Variants in GABRR1 observed in about 807,000 individuals in gnomAD.
The protein encoded by GABRR1 is gamma-aminobutyric acid type A receptor subunit rho1.
In GABRR1, 59 loss-of-function variants were observed where a neutral mutation model predicts 55.5. That is an observed-to-expected ratio of 1.06 (90% CI 0.86 to 1.32). The LOEUF (loss-of-function observed/expected upper bound fraction) is 1.32, where lower values mean the gene tolerates loss of function less well. Ranked by LOEUF, GABRR1 falls within the 40% of genes most tolerant of loss-of-function variation. The pLI is 0.00. For missense variants in GABRR1, 602 were observed against 619.1 expected, an observed-to-expected ratio of 0.97 and a Z score of 0.29; for synonymous variants, 213 against 226.0, an observed-to-expected ratio of 0.94 and a Z score of 0.51.
intron 1 of GABRR1, among the ~76,000 whole-genome samples, chr6:89,229,473 C>G (rs1415460121): frequency 6.7e-6 from 1 of 149,302 alleles, no homozygotes; most frequent in East Asian, 2.0e-4. Flanking sequence ...GACAAAATCT[C>G]TCAGCATTTG....
chr6:89,200,091 C>T (rs1467474919), intron 3 of GABRR1, among the ~76,000 whole-genome samples: 2 of 152,088 alleles, frequency 1.3e-5, no homozygotes, highest in Non-Finnish European at 2.9e-5. Flanking sequence ...AGGCATGGAG[C>T]ACACTGAATC....
intron 5 of GABRR1, among the ~76,000 whole-genome samples, chr6:89,191,783 C>T (rs1252084164): frequency 6.6e-6 from 1 of 152,186 alleles, no homozygotes; most frequent in Admixed American, 6.5e-5. Flanking sequence ...AGTCACAAAC[C>T]ACACCTTAAT....
rs571699583 is a variant in GABRR1, at chr6:89,187,623, C to A, written c.656-2173G>T. 4.6e-5 allele frequency among the ~76,000 whole-genome samples: 7 copies of A among 152,306 alleles called. No homozygotes were observed. The East Asian group carries it at 1.3e-3, about 29-fold the overall frequency. On this transcript the variant is annotated intron_variant, in intron 6 of 9. Coordinates refer to ENST00000454853, the MANE Select transcript of GABRR1 (RefSeq NM_002042.5). ...CCCATTTAACAATAACGCCTCATCCCTGTTTCCCCTCTCCCCAGCCTCTGG... is the reference window on the plus strand; with the variant it reads ...CCCATTTAACAATAACGCCTCATCCATGTTTCCCCTCTCCCCAGCCTCTGG...
intron 5 of GABRR1, 97 bp from the exon 6 acceptor site, chr6:89,190,344 A>G (rs1772048737): frequency 1.3e-6 from 1 of 743,728 alleles, no homozygotes; most frequent in Non-Finnish European, 2.2e-6. Flanking sequence ...CCAATATGAT[A>G]GATGCCTCTT....
chr6:89,217,345 C>G lies in GABRR1; in HGVS notation c.-23G>C. On this transcript the variant is annotated 5_prime_UTR_variant, in exon 1 of 10. Transcript: ENST00000454853. ...CATGGGTTTCCAAATTCAAACAGCT[C>G]TCTCCAGAAACAGCAAAAAGGAAAA... is the stretch of plus-strand genomic sequence containing the variant. The G allele has an allele frequency of 6.2e-7, 1 of 1,613,290 alleles. No individual in the cohort carries two copies. Among genetic ancestry groups the G allele is most frequent in the Admixed American group, 1.7e-5 (1 of 59,914 alleles).
intron 5 of GABRR1, among the ~76,000 whole-genome samples, chr6:89,193,661 T>C (rs939562096): frequency 3.3e-5 from 5 of 152,238 alleles, no homozygotes; most frequent in African/African-American, 1.2e-4. Context: ...ACAGTCACTA[T>C]TAAGCATTAA....
intron 1 of GABRR1, among the ~76,000 whole-genome samples, chr6:89,230,414 A>T (rs1773264888): frequency 1.4e-5 from 2 of 139,818 alleles, no homozygotes; most frequent in Admixed American, 1.4e-4. Context: ...TTGGTCTTTG[A>T]TGATGGTGAT....
intron 5 of GABRR1, among the ~76,000 whole-genome samples, chr6:89,196,823 GA>G (rs1772294224): frequency 3.3e-4 from 2 of 6,046 alleles, no homozygotes; most frequent in East Asian, 9.8e-3. Flanking sequence ...AGAAAAGAAG[GA>G]AAGAAAGAAA....
chr6:89,206,097 T>A (rs1022795857), intron 1 of GABRR1, among the ~76,000 whole-genome samples: 1 of 151,970 alleles, frequency 6.6e-6, no homozygotes, highest in Non-Finnish European at 1.5e-5. Flanking sequence ...CCACCCCTGC[T>A]GTCTCGCCCT....
chr6:89,224,529 C>A (rs182909871), intron 1 of GABRR1, among the ~76,000 whole-genome samples: 1 of 152,060 alleles, frequency 6.6e-6, no homozygotes, highest in Admixed American at 6.5e-5. Flanking sequence ...GAATTTTTTT[C>A]TCCTGTAATT....
At chr6:89,187,197 G>T (rs1771930150) in intron 6 of GABRR1, among the ~76,000 whole-genome samples, 1 of 150,352 alleles carries the variant, frequency 6.7e-6, no homozygotes, top group Non-Finnish European at 1.5e-5. Context: ...TCTGTGGCCT[G>T]GTTTCTGGGG....
chr6:89,204,626 A>G, intron 1 of GABRR1: 3 of 1,277,740 alleles, frequency 2.3e-6, no homozygotes, highest in Non-Finnish European at 2.0e-6. Context: ...AAATGGAACC[A>G]GTCACTGATG....
In GABRR1 at chr6:89,231,187, G is replaced by A. The variant is rs1350504624; in HGVS notation, c.-411+29C>T. The A allele has an allele frequency of 5.1e-5, 8 of 155,890 alleles. No individual in the cohort carries two copies. The East Asian group carries it at 9.4e-4, about 18-fold the overall frequency. The allele number at this position is 155,890 out of a possible 1,614,324, so 9.7% of individuals were successfully genotyped here. A position where few individuals can be genotyped will look rare whatever the true frequency, so the allele number is the denominator to read the frequency against. On this transcript the variant is annotated intron_variant, in intron 1 of 11. Transcript: ENST00000369451. ...TGGCACTCCCTAGAGAGATGAACCC[G>A]GTACCTCAGATGGAAATGCAGAAAT...
intron 1 of GABRR1, chr6:89,204,659 A>G (rs1183597912): frequency 7.8e-7 from 1 of 1,287,378 alleles, no homozygotes; most frequent in Non-Finnish European, 1.0e-6. Flanking sequence ...TCAAATTCTG[A>G]GATGCCACTG....
chr6:89,203,449 G>T lies in GABRR1; in HGVS notation c.159C>A (p.Ala53=). Residue 53 remains alanine, a synonymous_variant, in exon 2 of 10, where the codon GCC becomes GCA. Coordinates refer to ENST00000454853, the MANE Select transcript of GABRR1 (RefSeq NM_002042.5). The part of the protein sequence containing the change: ...QRQRREVHED[A]HKQVSPILRR... ...TATGGCCATACCTGACTTGCTTGTG[G>T]GCATCTTCATGTACTTCTCGTCTTT... is the stretch of plus-strand genomic sequence containing the variant. The T allele has an allele frequency of 6.2e-7, 1 of 1,613,258 alleles. No individual in the cohort carries two copies. Among genetic ancestry groups the T allele is most frequent in the Non-Finnish European group, 8.5e-7 (1 of 1,179,338 alleles).
intron 1 of GABRR1, among the ~76,000 whole-genome samples, chr6:89,228,706 AGGTGT>A (rs1359631093): frequency 3.6e-5 from 5 of 139,960 alleles, no homozygotes; most frequent in Non-Finnish European, 7.7e-5. Flanking sequence ...ATTTTGGAAT[AGGTGT>A]GGTGTGGTGC....
At chr6:89,214,862 A>G (rs1283026275) in intron 1 of GABRR1, among the ~76,000 whole-genome samples, 4 of 151,942 alleles carry the variant, frequency 2.6e-5, no homozygotes, top group African/African-American at 9.7e-5. Flanking sequence ...CTGTCTATAG[A>G]AAAAAAAATT....
chr6:89,185,089 T>C (rs1349282644), intron 7 of GABRR1, among the ~76,000 whole-genome samples: 1 of 152,138 alleles, frequency 6.6e-6, no homozygotes, highest in Non-Finnish European at 1.5e-5. Context: ...TTCACCATGT[T>C]GGCCAGGCTT....
At chr6:89,180,170 G>T in intron 9 of GABRR1, 122 bp downstream of exon 9, 1 of 1,032,250 alleles carries the variant, frequency 9.7e-7, no homozygotes, top group Non-Finnish European at 1.4e-6. Context: ...ACAACCCTGT[G>T]AAGTAGGCAC....
Sources: allele counts gnomAD v4.1 joint callset (sites outside exome capture counted in the v4.1 genomes callset), GRCh38; gene constraint gnomAD v4.1.1; transcripts MANE v1.5; gene names NCBI Gene and HGNC (gene_info 2026-07-23, HGNC 2026-07-21).